MAGI1: variants seen among roughly 807,000 people sequenced by gnomAD.
MAGI1 encodes membrane-associated guanylate kinase, WW and PDZ domain-containing protein 1.
Under a neutral mutation model 139.9 loss-of-function variants are expected in MAGI1, and 58 were observed. That is an observed-to-expected ratio of 0.41 (90% CI 0.34 to 0.52). MAGI1 has a LOEUF of 0.52. Among genes scored for constraint, MAGI1 ranks in the 20% least tolerant of loss-of-function variants. The probability of loss-of-function intolerance (pLI) is 0.12; values close to 1 mark genes in which losing one functional copy is unlikely to be tolerated. For synonymous variants in MAGI1, 812 were observed against 737.9 expected (o/e 1.10, Z -1.63); for missense variants, 1,874 against 1,901.6 (o/e 0.99, Z 0.27).
chr3:65,701,120 G>C (rs12106983), intron 1 of MAGI1, among the ~76,000 whole-genome samples: 4,964 of 152,170 alleles, frequency 0.033, 272 homozygotes, highest in African/African-American at 0.11. Flanking sequence ...TGCACTAAGT[G>C]TTATTCACAT....
At chr3:65,455,108 A>G (rs1308431348) in intron 5 of MAGI1, among the ~76,000 whole-genome samples, 2 of 152,182 alleles carry the variant, frequency 1.3e-5, no homozygotes, top group African/African-American at 4.8e-5. Context: ...AGGATTAAGA[A>G]AAAAACTGTG....
rs79311236 is a variant in MAGI1 at position 65,810,576 on chromosome 3, G to C, written c.314-188488C>G. On this transcript the variant is annotated intron_variant, in intron 1 of 22. Transcript: ENST00000402939. Reference sequence around the variant, plus strand: ...TGGAGAGAATCGAATGAACTGATGGGTGTTTTCCTTCTCTTATTTCCAAGG... The same window carrying C: ...TGGAGAGAATCGAATGAACTGATGGCTGTTTTCCTTCTCTTATTTCCAAGG... Among the ~76,000 whole-genome samples the C allele has an allele frequency of 3.8e-4, 58 of 152,334 alleles. No individual in the cohort carries two copies. In the East Asian group the frequency reaches 0.011, roughly 29 times the overall value.
intron 2 of MAGI1, among the ~76,000 whole-genome samples, chr3:65,617,539 T>C (rs2083441020): frequency 6.6e-6 from 1 of 152,150 alleles, no homozygotes; most frequent in Non-Finnish European, 1.5e-5. Flanking sequence ...GGTACGGTGA[T>C]ATCTAGACTA....
At chr3:65,860,719 G>T (rs1003224972) in intron 1 of MAGI1, among the ~76,000 whole-genome samples, 3 of 152,166 alleles carry the variant, frequency 2.0e-5, no homozygotes, top group African/African-American at 7.2e-5. Context: ...GGCAGGATGC[G>T]TGCGGTAGGT....
intron 1 of MAGI1, among the ~76,000 whole-genome samples, chr3:65,641,043 C>T (rs1168032201): frequency 6.6e-6 from 1 of 151,910 alleles, no homozygotes; most frequent in Non-Finnish European, 1.5e-5. Context: ...CCTTTGAGAC[C>T]AAACCACACC....
intron 2 of MAGI1, 100 bp from the exon 3 acceptor site, chr3:65,493,731 G>A (rs549976429): frequency 3.5e-5 from 49 of 1,385,046 alleles, no homozygotes; most frequent in African/African-American, 2.8e-4. Flanking sequence ...GTAAGAGGGC[G>A]TACCTAAGAC....
intron 3 of MAGI1, among the ~76,000 whole-genome samples, chr3:65,479,693 T>C: frequency 6.6e-6 from 1 of 152,276 alleles, no homozygotes; most frequent in East Asian, 1.9e-4. Flanking sequence ...TTTTATATAA[T>C]AAGAAATTAA....
At chr3:65,360,113 G>A (rs1259918623) in intron 22 of MAGI1, 1 of 985,204 alleles carries the variant, frequency 1.0e-6, no homozygotes, top group Non-Finnish European at 1.2e-6. Context: ...CACCTGGGAA[G>A]GCTGGCCCTC....
At chr3:65,806,430 A>G (rs1253055118) in intron 1 of MAGI1, among the ~76,000 whole-genome samples, 6 of 152,120 alleles carry the variant, frequency 3.9e-5, no homozygotes, top group Admixed American at 3.9e-4. Flanking sequence ...TCCATTTCAA[A>G]AAAAAAAAAT....
chr3:65,760,196 G>A (rs2036901453), intron 1 of MAGI1, among the ~76,000 whole-genome samples: 1 of 151,088 alleles, frequency 6.6e-6, no homozygotes, highest in Admixed American at 6.6e-5. Flanking sequence ...CCTTTATAAT[G>A]TCCAGCTCTA....
chr3:65,542,711 G>A (rs1427956485), intron 2 of MAGI1, among the ~76,000 whole-genome samples: 1 of 152,150 alleles, frequency 6.6e-6, no homozygotes, highest in East Asian at 1.9e-4. Flanking sequence ...TGCAGAAACT[G>A]AAACTGGACC....
chr3:65,434,950 CCCACATG>C (rs1339091679), intron 10 of MAGI1, among the ~76,000 whole-genome samples: 1 of 152,078 alleles, frequency 6.6e-6, no homozygotes, highest in Non-Finnish European at 1.5e-5. Context: ...GAGAGTGGAG[CCCACATG>C]ATGGGCTAAT....
rs184337250 is a variant in MAGI1 at position 65,728,773 on chromosome 3, T to A, written c.314-106685A>T. Among the ~76,000 whole-genome samples the A allele has an allele frequency of 1.1e-3, 161 of 151,284 alleles. 2 individuals are homozygous for A. Among genetic ancestry groups the A allele is most frequent in the Admixed American group, 4.0e-3 (61 of 15,200 alleles). ...ACACCACTATTCTTAACACTTTTTT[T>A]AAAAAATCTTAAAGGAACTTGGGGA... On this transcript the variant is annotated intron_variant, in intron 1 of 22. Coordinates refer to ENST00000402939, the MANE Select transcript of MAGI1 (RefSeq NM_001033057.2).
chr3:65,968,069 G>T (rs554949618), intron 1 of MAGI1, among the ~76,000 whole-genome samples: 2 of 152,300 alleles, frequency 1.3e-5, no homozygotes, highest in South Asian at 4.1e-4. Context: ...TCTAGACTAG[G>T]TCTAAGGGAA....
At chr3:65,537,190 C>T (rs1377829319) in intron 2 of MAGI1, among the ~76,000 whole-genome samples, 4 of 152,084 alleles carry the variant, frequency 2.6e-5, no homozygotes, top group South Asian at 2.1e-4. Flanking sequence ...ATACACTGTC[C>T]GTGAATAGAT....
chr3:65,998,247 G>A (rs955983924), intron 1 of MAGI1, among the ~76,000 whole-genome samples: 1 of 152,096 alleles, frequency 6.6e-6, no homozygotes, highest in Non-Finnish European at 1.5e-5. Context: ...AAATGACAGT[G>A]TGTCATGTCA....
At chr3:65,842,232 T>C (rs374962475) in intron 1 of MAGI1, among the ~76,000 whole-genome samples, 242 of 152,304 alleles carry the variant, frequency 1.6e-3, no homozygotes, top group African/African-American at 5.4e-3. Context: ...ACCATCTTTT[T>C]GTAACACTAA....
chr3:65,494,624 T>A (rs17073010), intron 2 of MAGI1, among the ~76,000 whole-genome samples: 4,799 of 152,302 alleles, frequency 0.032, 212 homozygotes, highest in African/African-American at 0.11. Flanking sequence ...CGGTGGTGAT[T>A]TAAGGTCAAC....
chr3:65,545,848 T>C (rs2079470046), intron 2 of MAGI1, among the ~76,000 whole-genome samples: 1 of 152,052 alleles, frequency 6.6e-6, no homozygotes, highest in South Asian at 2.1e-4. Context: ...TTAAACAGCC[T>C]GTATGTAGTA....
Sources: allele counts gnomAD v4.1 joint callset (sites outside exome capture counted in the v4.1 genomes callset), GRCh38; gene constraint gnomAD v4.1.1; transcripts MANE v1.5; gene names NCBI Gene and HGNC (gene_info 2026-07-23, HGNC 2026-07-21).